The following RAD18 variants were observed in gnomAD, a reference collection of about 807,000 sequenced individuals.
RAD18 encodes E3 ubiquitin-protein ligase RAD18.
Under a neutral mutation model 60.4 loss-of-function variants are expected in RAD18, and 47 were observed. That is an observed-to-expected ratio of 0.78 (90% CI 0.62 to 0.99). RAD18 has a LOEUF of 0.99. Ranked by LOEUF, RAD18 falls within the 50% of genes least tolerant of loss-of-function variation. The pLI is 0.00. For missense variants in RAD18, 640 were observed against 593.3 expected (o/e 1.08, Z -0.82); for synonymous variants, 225 against 195.5 (o/e 1.15, Z -1.26).
chr3:8,896,941 AT>A (rs963259792), intron 11 of RAD18, among the ~76,000 whole-genome samples: 12 of 152,174 alleles, frequency 7.9e-5, no homozygotes, highest in African/African-American at 2.9e-4. Context: ...AAACTGCTGT[AT>A]TTTTTTAAGG....
intron 7 of RAD18, among the ~76,000 whole-genome samples, chr3:8,920,278 C>CAAAAAAAAAAAAAA (rs60504682): frequency 2.9e-5 from 2 of 70,066 alleles, no homozygotes; most frequent in Admixed American, 1.6e-4. Context: ...GACTCCGTCT[C>CAAAAAAAAAAAAAA]AAAAAAAAAA....
chr3:8,892,162 C>G (rs1429615607), intron 11 of RAD18, among the ~76,000 whole-genome samples: 1 of 152,148 alleles, frequency 6.6e-6, no homozygotes, highest in Non-Finnish European at 1.5e-5. Flanking sequence ...TTTCTGGGGT[C>G]AGAGCATATA....
chr3:8,906,782 GA>G lies in RAD18; in HGVS notation c.1028-4263del, dbSNP rs1213198876. Among the ~76,000 whole-genome samples, 3 of 118,954 alleles carry G rather than the reference GA, an allele frequency of 2.5e-5. No individual in the cohort carries two copies. In the Admixed American group the frequency reaches 2.9e-4, roughly 11 times the overall value. The allele number at this position is 118,954 out of a possible 152,430, so 78.0% of individuals were successfully genotyped here. On this transcript the variant is annotated intron_variant, in intron 9 of 12. Coordinates refer to ENST00000264926, the MANE Select transcript of RAD18 (RefSeq NM_020165.4). ...GAAATCTCTATTTCTATTTTTTGGA[GA>G]GGGGGAAACAGTTTTTTTTTTTTTA...
At chr3:8,914,940 C>A (rs1231269045) in intron 7 of RAD18, among the ~76,000 whole-genome samples, 3 of 151,982 alleles carry the variant, frequency 2.0e-5, no homozygotes, top group Non-Finnish European at 2.9e-5. Context: ...AGATCGAGAC[C>A]ATCCTGGCTA....
intron 8 of RAD18, among the ~76,000 whole-genome samples, chr3:8,912,707 T>C (rs1298540339): frequency 1.3e-5 from 1 of 75,748 alleles, no homozygotes; most frequent in Admixed American, 1.3e-4. Flanking sequence ...TAACGACACT[T>C]AGCTGACTAT....
chr3:8,924,313 G>C (rs1342155973), intron 7 of RAD18, among the ~76,000 whole-genome samples: 1 of 148,750 alleles, frequency 6.7e-6, no homozygotes, highest in Non-Finnish European at 1.5e-5. Context: ...AAGAGACAAA[G>C]TAGGCCATTA....
At chr3:8,882,235 G>T (rs1046762225) in intron 12 of RAD18, among the ~76,000 whole-genome samples, 6 of 152,228 alleles carry the variant, frequency 3.9e-5, no homozygotes, top group African/African-American at 1.4e-4. Flanking sequence ...TGGGGCTCTA[G>T]CAAAGACCTA....
chr3:8,958,802 A>G, intron 2 of RAD18, 118 bp downstream of exon 2: 2 of 778,620 alleles, frequency 2.6e-6, no homozygotes, highest in South Asian at 1.8e-5. Flanking sequence ...CTGAAAAACT[A>G]CAAGATAGAA....
chr3:8,920,979 T>G (rs999747601), intron 7 of RAD18, among the ~76,000 whole-genome samples: 2 of 152,244 alleles, frequency 1.3e-5, no homozygotes, highest in African/African-American at 4.8e-5. Context: ...CTACAAGTAC[T>G]AACTACAGTG....
intron 7 of RAD18, among the ~76,000 whole-genome samples, chr3:8,914,974 T>C (rs1940172429): frequency 6.6e-6 from 1 of 151,800 alleles, no homozygotes; most frequent in South Asian, 2.1e-4. Flanking sequence ...CCGTCTCCAC[T>C]AAAAATAAAA....
Position 8,937,274 on chromosome 3 carries a change from G to A in RAD18, c.705-1219C>T, listed in dbSNP as rs1457215140. On this transcript the variant is annotated intron_variant, in intron 6 of 12. Transcript: ENST00000264926. Reference sequence around the variant, plus strand: ...AATATTTGTTTTATCAAGGACAGATGATTAAACTGTGACTGTGAAATTCCA... The same window carrying A: ...AATATTTGTTTTATCAAGGACAGATAATTAAACTGTGACTGTGAAATTCCA... Among the ~76,000 whole-genome samples the A allele has an allele frequency of 2.6e-5, 4 of 152,128 alleles. No homozygotes were observed. In the East Asian group the frequency reaches 5.8e-4, roughly 22 times the overall value.
In RAD18 at chr3:8,931,207, ACT is replaced by A. The variant is rs530119693; in HGVS notation, c.889+4662_889+4663del. ...ATATACAAAAATAAATGTCAAAATG[ACT>A]CTTTAAAATAGTAATAAACAATGAG... On this transcript the variant is annotated intron_variant, in intron 7 of 12. Transcript: ENST00000264926. 1.6e-3 allele frequency among the ~76,000 whole-genome samples: 240 copies of A among 152,286 alleles called. 1 individual carries two copies. Among genetic ancestry groups the A allele is most frequent in the African/African-American group, 5.4e-3 (226 of 41,562 alleles).
At chr3:8,938,209 C>G (rs1940685965) in intron 6 of RAD18, among the ~76,000 whole-genome samples, 2 of 152,172 alleles carry the variant, frequency 1.3e-5, no homozygotes, top group Admixed American at 6.5e-5. Flanking sequence ...AACTTACCCA[C>G]TAGGTGGGAG....
At chr3:8,958,341 G>GA (rs1387533568) in intron 2 of RAD18, among the ~76,000 whole-genome samples, 8 of 152,322 alleles carry the variant, frequency 5.3e-5, no homozygotes, top group Admixed American at 5.2e-4. Flanking sequence ...CCTCAACAAT[G>GA]ATAGGGTAAC....
At chr3:8,911,801 G>A (rs1940109423) in intron 9 of RAD18, among the ~76,000 whole-genome samples, 1 of 152,130 alleles carries the variant, frequency 6.6e-6, no homozygotes, top group Non-Finnish European at 1.5e-5. Context: ...CACACAAAGA[G>A]TAACAGCTAT....
intron 7 of RAD18, among the ~76,000 whole-genome samples, chr3:8,925,621 T>C (rs997517749): frequency 3.9e-5 from 6 of 152,320 alleles, no homozygotes; most frequent in South Asian, 2.1e-4. Context: ...AAGAGAATTT[T>C]AGACCAATAC....
chr3:8,940,649 T>C (rs1940731761), intron 5 of RAD18, among the ~76,000 whole-genome samples: 1 of 152,196 alleles, frequency 6.6e-6, no homozygotes, highest in Non-Finnish European at 1.5e-5. Context: ...CAAGCTGACA[T>C]ATTCATCAAA....
At chr3:8,932,767 G>A (rs982974792) in intron 7 of RAD18, among the ~76,000 whole-genome samples, 4 of 152,118 alleles carry the variant, frequency 2.6e-5, no homozygotes, top group African/African-American at 9.7e-5. Context: ...ACAAATTGTG[G>A]CATGGCTATA....
intron 2 of RAD18, among the ~76,000 whole-genome samples, chr3:8,949,872 T>C (rs886729541): frequency 7.2e-5 from 11 of 152,182 alleles, no homozygotes; most frequent in African/African-American, 2.7e-4. Flanking sequence ...ATTGCAGGCA[T>C]GGAGAGGATG....
Sources: gnomAD v4.1 joint callset for allele counts (sites outside exome capture counted in the v4.1 genomes callset) on GRCh38, gnomAD v4.1.1 for gene constraint, MANE v1.5 for transcripts, NCBI Gene and HGNC (gene_info 2026-07-23, HGNC 2026-07-21) for gene names.